The following BRCA1 variants were observed in gnomAD, a reference collection of about 807,000 sequenced individuals.
BRCA1 encodes BRCA1 DNA repair associated, also known as breast cancer type 1 susceptibility protein.
Under a neutral mutation model 173.7 loss-of-function variants are expected in BRCA1, and 140 were observed. The ratio of observed to expected loss-of-function variants is 0.81; its 90% CI spans 0.70 to 0.93. BRCA1 has a LOEUF of 0.93. Among genes scored for constraint, BRCA1 ranks in the 40% least tolerant of loss-of-function variants. The pLI, the probability that BRCA1 is intolerant of heterozygous loss-of-function variation, is 0.00. For missense variants in BRCA1, 1,983 were observed against 2,172.5 expected (o/e 0.91, Z 1.73); for synonymous variants, 662 against 756.0 (o/e 0.88, Z 2.04).
intron 16 of BRCA1, among the ~76,000 whole-genome samples, chr17:43,066,676 T>C (rs2052085834): frequency 6.6e-6 from 1 of 151,784 alleles, no homozygotes; most frequent in Admixed American, 6.6e-5. Context: ...CCCAAAGTGC[T>C]GGGATTACTG....
rs1316263947 is a variant in BRCA1, at chr17:43,125,008, G to A, written c.-20+263C>T. The A allele has an allele frequency of 1.3e-5, 5 of 384,206 alleles. No homozygotes were observed. In the East Asian group the frequency reaches 3.7e-4, roughly 28 times the overall value. 23.8% of individuals were successfully genotyped at this position (384,206 alleles called of 1,614,324 possible). ...ACCAGCCGACGTTTTTAAAGACATA[G>A]TGTCCCCCTCAAGGCATATTCCAGT... On this transcript the variant is annotated intron_variant, in intron 1 of 22. Coordinates refer to ENST00000357654, the MANE Select transcript of BRCA1 (RefSeq NM_007294.4).
intron 1 of BRCA1, chr17:43,159,570 G>C: frequency 4.6e-6 from 1 of 215,222 alleles, no homozygotes; most frequent in Non-Finnish European, 9.5e-6. Flanking sequence ...CGGCCGGGCA[G>C]AGATGCTCCT....
At chr17:43,108,804 C>T (rs749675825) in intron 3 of BRCA1, among the ~76,000 whole-genome samples, 3 of 150,886 alleles carry the variant, frequency 2.0e-5, no homozygotes, top group African/African-American at 7.3e-5. Flanking sequence ...ACCAGCCTGA[C>T]CAACACGGAG....
intron 12 of BRCA1, among the ~76,000 whole-genome samples, chr17:43,076,944 A>G (rs1417403565): frequency 6.6e-6 from 1 of 152,178 alleles, no homozygotes; most frequent in African/African-American, 2.4e-5. Flanking sequence ...ACAAATTTTT[A>G]TCTCTGCAGC....
At chr17:43,110,875 C>T (rs562525841) in intron 3 of BRCA1, among the ~76,000 whole-genome samples, 4 of 151,854 alleles carry the variant, frequency 2.6e-5, no homozygotes, top group South Asian at 4.2e-4. Context: ...CTGAGGTGGG[C>T]GGATCACCTG....
intron 18 of BRCA1, 31 bp from the exon 19 acceptor site, chr17:43,057,166 T>A (rs1379724770): frequency 6.2e-7 from 1 of 1,605,178 alleles, no homozygotes; most frequent in Admixed American, 1.7e-5. Flanking sequence ...CCCATCAGGA[T>A]AAGAGAAAGA....
rs1218048314 is a variant in BRCA1, at chr17:43,125,341, G to A, written c.-90C>T. On this transcript the variant is annotated 5_prime_UTR_variant, in exon 1 of 23. Coordinates refer to ENST00000357654, the MANE Select transcript of BRCA1 (RefSeq NM_007294.4). ...AGTTATCTGAGAAACCCCACAGCCT[G>A]TCCCCCGTCCAGGAAGTCTCAGCGA... The A allele has an allele frequency of 2.3e-6, 1 of 443,030 alleles. No homozygotes were observed. The highest frequency in any genetic ancestry group is 2.4e-5 in the Admixed American group (1 of 41,768). The allele number at this position is 443,030 out of a possible 1,614,324, so 27.4% of individuals were successfully genotyped here. A position where few individuals can be genotyped will look rare whatever the true frequency, so the allele number is the denominator to read the frequency against.
At chr17:43,075,042 A>AGGGAG (rs2052648983) in intron 13 of BRCA1, among the ~76,000 whole-genome samples, 1 of 148,668 alleles carries the variant, frequency 6.7e-6, no homozygotes, top group Admixed American at 6.8e-5. Context: ...GAAGGAAGGA[A>AGGGAG]GGGAGGGAAA....
At chr17:43,110,518 C>T (rs1212047072) in intron 3 of BRCA1, 1 of 430,254 alleles carries the variant, frequency 2.3e-6, no homozygotes, top group East Asian at 7.3e-5. Flanking sequence ...CCTAGGAGGT[C>T]AAGGCAACAG....
chr17:43,056,402 C>G (rs989896984), intron 19 of BRCA1, among the ~76,000 whole-genome samples: 1 of 152,118 alleles, frequency 6.6e-6, no homozygotes, highest in Non-Finnish European at 1.5e-5. Context: ...TGGTATCGAA[C>G]TCCTTGGCTC....
chr17:43,057,215 T>C, intron 18 of BRCA1, 80 bp from the exon 19 acceptor site: 1 of 1,423,598 alleles, frequency 7.0e-7, no homozygotes, highest in Non-Finnish European at 9.9e-7. Flanking sequence ...ACACGTCATA[T>C]TTAAGGCATT....
At chr17:43,067,533 C>A in intron 16 of BRCA1, 75 bp downstream of exon 16, 1 of 1,232,244 alleles carries the variant, frequency 8.1e-7, no homozygotes, top group Non-Finnish European at 1.2e-6. Context: ...CGATTACAGG[C>A]ATGCGCCACC....
intron 1 of BRCA1, chr17:43,168,155 C>T (rs2056280225): frequency 2.7e-6 from 1 of 370,716 alleles, no homozygotes. Context: ...TTAATACCCT[C>T]TTCTGGTGAC....
intron 1 of BRCA1, chr17:43,164,817 GGGT>G (rs2154581753): frequency 6.6e-6 from 1 of 152,292 alleles, no homozygotes; most frequent in African/African-American, 2.4e-5. Flanking sequence ...GAAATTCTAG[GGGT>G]GGTACATGTG....
intron 6 of BRCA1, among the ~76,000 whole-genome samples, chr17:43,100,690 T>TATATAATATATA (rs2054431380): frequency 2.1e-5 from 2 of 94,248 alleles, no homozygotes; most frequent in African/African-American, 1.1e-4. Flanking sequence ...TATATATATA[T>TATATAATATATA]ATATATATAT....
At chr17:43,064,349 C>T (rs2051959870) in intron 16 of BRCA1, among the ~76,000 whole-genome samples, 1 of 152,150 alleles carries the variant, frequency 6.6e-6, no homozygotes. Context: ...AAGAAGAAAA[C>T]AGTATTGTTG....
intron 15 of BRCA1, among the ~76,000 whole-genome samples, chr17:43,068,276 CAA>C (rs766373028): frequency 1.4e-4 from 13 of 92,166 alleles, no homozygotes; most frequent in African/African-American, 2.0e-4. Context: ...GACTCCGTCT[CAA>C]AAAAAAAAAA....
rs1450459592 is a variant in BRCA1 at position 43,075,863 on chromosome 17, G to A, written c.4484+625C>T. Among the ~76,000 whole-genome samples, 4 of 152,098 alleles carry A rather than the reference G, an allele frequency of 2.6e-5. 1 individual carries two copies. Among genetic ancestry groups the A allele is most frequent in the South Asian group, 4.1e-4 (2 of 4,822 alleles). On this transcript the variant is annotated intron_variant, in intron 13 of 22. Coordinates refer to ENST00000357654, the MANE Select transcript of BRCA1 (RefSeq NM_007294.4). ...TTTTCTGGCTTTGGGAGGGCAAGGC[G>A]GGCGGACTACTTGAGTCCAGGAATT...
intron 22 of BRCA1, 143 bp downstream of exon 22, chr17:43,047,500 C>T (rs369627552): frequency 1.1e-6 from 1 of 871,464 alleles, no homozygotes; most frequent in Non-Finnish European, 1.9e-6. Flanking sequence ...ACAATAAAAA[C>T]ATCAAAAAGA....
Sources: allele counts gnomAD v4.1 joint callset (sites outside exome capture counted in the v4.1 genomes callset), GRCh38; gene constraint gnomAD v4.1.1; transcripts MANE v1.5; gene names NCBI Gene and HGNC (gene_info 2026-07-23, HGNC 2026-07-21).